The following GLIS3 variants were observed in gnomAD, a reference collection of about 807,000 sequenced individuals.
GLIS3 encodes zinc finger protein GLIS3.
In GLIS3, 53 loss-of-function variants were observed where a neutral mutation model predicts 78.6. The observed-to-expected ratio is 0.67, with a 90% CI of 0.54 to 0.85. The LOEUF is 0.85. Ranked by LOEUF, GLIS3 falls within the 40% of genes least tolerant of loss-of-function variation. The pLI is 0.00. For synonymous variants in GLIS3, 684 were observed against 509.9 expected, an observed-to-expected ratio of 1.34 and a Z score of -4.60; for missense variants, 1,703 against 1,231.1, an observed-to-expected ratio of 1.38 and a Z score of -5.74.
rs143489461 is a variant in GLIS3, at chr9:4,322,987, A to G, written n.265-12459T>C. ...TGTTTTAGTCATGAAGTCCTTGCCC[A>G]TGCCTATGTCCTGAATGGTATTGCC... On this transcript the variant is annotated intron_variant and non_coding_transcript_variant, in intron 2 of 4. Transcript: ENST00000471664. Among the ~76,000 whole-genome samples the G allele has an allele frequency of 8.0e-3, 1,224 of 152,276 alleles. 13 individuals carry two copies. Among genetic ancestry groups the G allele is most frequent in the African/African-American group, 0.028 (1,164 of 41,536 alleles).
intron 3 of GLIS3, among the ~76,000 whole-genome samples, chr9:4,120,565 T>A (rs1460833020): frequency 6.6e-6 from 1 of 152,204 alleles, no homozygotes; most frequent in African/African-American, 2.4e-5. Flanking sequence ...CTCCTGGTGA[T>A]TGGATGTCAA....
At chr9:4,307,117 A>G (rs560127290) in intron 4 of GLIS3, among the ~76,000 whole-genome samples, 22 of 152,176 alleles carry the variant, frequency 1.4e-4, no homozygotes, top group Non-Finnish European at 2.1e-4. Flanking sequence ...TATCAGGCTG[A>G]GCAAAGTACG....
chr9:4,075,529 T>C (rs567280971), intron 4 of GLIS3, among the ~76,000 whole-genome samples: 2 of 151,560 alleles, frequency 1.3e-5, no homozygotes, highest in South Asian at 2.1e-4. Context: ...TGAGCCGAGA[T>C]CGTGCCACTG....
chr9:4,455,848 C>G, the GLIS3 span, among the ~76,000 whole-genome samples: 1 of 152,118 alleles, frequency 6.6e-6, no homozygotes, highest in Admixed American at 6.5e-5. Context: ...TGTGGTGGCT[C>G]ACACCTGTAA....
At chr9:4,362,160 A>G in the GLIS3 span, among the ~76,000 whole-genome samples, 99 of 152,364 alleles carry the variant, frequency 6.5e-4, 1 homozygote, top group African/African-American at 2.3e-3. Flanking sequence ...AGGACTGGCC[A>G]TTGTGTCTCA....
chr9:4,106,979 G>A (rs1830803236), intron 4 of GLIS3, among the ~76,000 whole-genome samples: 1 of 152,036 alleles, frequency 6.6e-6, no homozygotes, highest in Admixed American at 6.6e-5. Flanking sequence ...CCCAGCAGTG[G>A]TGATTGTATG....
intron 4 of GLIS3, among the ~76,000 whole-genome samples, chr9:4,114,147 C>A (rs1831440107): frequency 6.6e-6 from 1 of 152,148 alleles, no homozygotes; most frequent in African/African-American, 2.4e-5. Context: ...TCTACTCACT[C>A]TGCCCCAGAT....
intron 2 of GLIS3, among the ~76,000 whole-genome samples, chr9:4,220,055 G>C (rs967619084): frequency 1.3e-5 from 2 of 152,106 alleles, no homozygotes; most frequent in Non-Finnish European, 2.9e-5. Flanking sequence ...GAATAATAAG[G>C]ACATTTTTAT....
intron 2 of GLIS3, among the ~76,000 whole-genome samples, chr9:4,187,391 T>G (rs1222878608): frequency 3.3e-5 from 5 of 152,208 alleles, no homozygotes; most frequent in Non-Finnish European, 7.3e-5. Context: ...CTGTTTTGGT[T>G]ACTGTAGCCT....
chr9:3,891,184 T>C (rs1015925216), intron 7 of GLIS3, among the ~76,000 whole-genome samples: 4 of 152,124 alleles, frequency 2.6e-5, no homozygotes, highest in African/African-American at 9.7e-5. Flanking sequence ...CATGTATTTT[T>C]ATAGTATTTA....
intron 2 of GLIS3, among the ~76,000 whole-genome samples, chr9:4,170,556 C>T (rs1023985184): frequency 6.6e-6 from 1 of 152,142 alleles, no homozygotes; most frequent in Non-Finnish European, 1.5e-5. Context: ...CAATCTTGTT[C>T]TCCAAGCACA....
At chr9:3,859,674 C>T (rs373685368) in intron 8 of GLIS3, among the ~76,000 whole-genome samples, 1 of 152,168 alleles carries the variant, frequency 6.6e-6, no homozygotes, top group South Asian at 2.1e-4. Context: ...CTAGGTCCAA[C>T]CCTGTTCTCT....
the GLIS3 span, among the ~76,000 whole-genome samples, chr9:4,446,818 CTT>C: frequency 6.6e-6 from 1 of 151,770 alleles, no homozygotes; most frequent in Non-Finnish European, 1.5e-5. Flanking sequence ...GTCCCAAATT[CTT>C]TCTCATGATG....
chr9:3,829,570 T>A (rs1014487088), intron 9 of GLIS3, 78 bp from the exon 10 acceptor site: 69 of 1,472,908 alleles, frequency 4.7e-5, no homozygotes, highest in Non-Finnish European at 6.3e-5. Flanking sequence ...AGCTAGAACC[T>A]CACTCAGCCT....
At chr9:3,831,345 T>C (rs1280527950) in intron 9 of GLIS3, among the ~76,000 whole-genome samples, 2 of 152,148 alleles carry the variant, frequency 1.3e-5, no homozygotes, top group East Asian at 1.9e-4. Context: ...TAAATACTCA[T>C]ATAATTGATC....
chr9:3,993,128 G>A (rs1269312741), intron 4 of GLIS3, among the ~76,000 whole-genome samples: 2 of 152,160 alleles, frequency 1.3e-5, no homozygotes, highest in Non-Finnish European at 2.9e-5. Context: ...CAGCTCTCAA[G>A]CTTTCAAGAT....
chr9:4,300,799 C>T (rs1817036923), upstream of GLIS3, among the ~76,000 whole-genome samples: 1 of 151,936 alleles, frequency 6.6e-6, no homozygotes, highest in Non-Finnish European at 1.5e-5. Flanking sequence ...AGTAGTTCAT[C>T]ACATGTATTG....
rs182653271 is a variant in GLIS3, at chr9:3,978,388, T to G, written c.1711-41199A>C. On this transcript the variant is annotated intron_variant, in intron 4 of 10. Coordinates refer to ENST00000381971, the MANE Select transcript of GLIS3 (RefSeq NM_001042413.2). ...TTCCACACTTTGATGGGAATATGTGTGTACACTTTTCTTTAAAAAATAAAA... is the reference window on the plus strand; with the variant it reads ...TTCCACACTTTGATGGGAATATGTGGGTACACTTTTCTTTAAAAAATAAAA... 1.8e-4 allele frequency among the ~76,000 whole-genome samples: 28 copies of G among 152,262 alleles called. No individual in the cohort carries two copies. In the East Asian group the frequency reaches 5.4e-3, roughly 29 times the overall value.
intron 4 of GLIS3, among the ~76,000 whole-genome samples, chr9:4,014,194 T>C (rs1202643776): frequency 6.6e-6 from 1 of 152,180 alleles, no homozygotes; most frequent in Non-Finnish European, 1.5e-5. Context: ...ACAAGGTTTC[T>C]AAAACCAGTG....
Sources: allele counts gnomAD v4.1 joint callset (sites outside exome capture counted in the v4.1 genomes callset), GRCh38; gene constraint gnomAD v4.1.1; transcripts MANE v1.5; gene names NCBI Gene and HGNC (gene_info 2026-07-23, HGNC 2026-07-21).